Variants in ABCC6 observed in about 807,000 individuals in gnomAD.
The protein encoded by ABCC6 is ATP-binding cassette sub-family C member 6.
In ABCC6, 126 loss-of-function variants were observed where a neutral mutation model predicts 169.5. That is an observed-to-expected ratio of 0.74 (90% confidence interval 0.64 to 0.86). The LOEUF is 0.86. Ranked by LOEUF, ABCC6 falls within the 40% of genes least tolerant of loss-of-function variation. The pLI is 0.00. For missense variants in ABCC6, 1,733 were observed against 1,927.2 expected (o/e 0.90, Z 1.89); for synonymous variants, 752 against 814.7 (o/e 0.92, Z 1.31).
intron 7 of ABCC6, 37 bp downstream of exon 7, chr16:16,208,691 G>A (rs749858508): frequency 1.9e-6 from 3 of 1,613,456 alleles, no homozygotes; most frequent in South Asian, 1.1e-5. Context: ...CTTTTCTGAA[G>A]TAGCATCAGG....
chr16:16,172,030 GGTGGGATGCATAAATGA>G (rs1274881353), intron 21 of ABCC6, among the ~76,000 whole-genome samples: 5 of 149,990 alleles, frequency 3.3e-5, no homozygotes, highest in South Asian at 2.1e-4. Context: ...TAAATGAGTA[GGTGGGATGCATAAATGA>G]GTGGGATGGA....
At chr16:16,217,180 G>C (rs2048907050) in intron 4 of ABCC6, among the ~76,000 whole-genome samples, 1 of 152,122 alleles carries the variant, frequency 6.6e-6, no homozygotes, top group South Asian at 2.1e-4. Context: ...TTCTAGTTTT[G>C]GGTTTTTGTT....
chr16:16,157,472 T>A (rs1270941992), intron 27 of ABCC6, among the ~76,000 whole-genome samples, 191 bp downstream of exon 27: 1 of 152,040 alleles, frequency 6.6e-6, no homozygotes, highest in African/African-American at 2.4e-5. Context: ...CCAAGGTGGA[T>A]GAGGAAGTCA....
intron 30 of ABCC6, 47 bp downstream of exon 30, chr16:16,150,531 C>T (rs764240446): frequency 6.3e-7 from 1 of 1,590,988 alleles, no homozygotes; most frequent in South Asian, 1.1e-5. Flanking sequence ...CTCCTTCCCC[C>T]ACCACTGCAG....
At chr16:16,187,056 T>C in intron 14 of ABCC6, 68 bp downstream of exon 14, 3 of 1,401,620 alleles carry the variant, frequency 2.1e-6, no homozygotes, top group Non-Finnish European at 3.0e-6. Context: ...TGGCTTGCCA[T>C]TATGGGCTGG....
chr16:16,153,694 G>A (rs981225675), intron 29 of ABCC6, among the ~76,000 whole-genome samples: 1 of 152,008 alleles, frequency 6.6e-6, no homozygotes, highest in African/African-American at 2.4e-5. Flanking sequence ...GGAGGCCTAC[G>A]CAAGTTCGAC....
intron 10 of ABCC6, among the ~76,000 whole-genome samples, chr16:16,193,297 T>G (rs1209405063): frequency 6.6e-6 from 1 of 152,156 alleles, no homozygotes; most frequent in Non-Finnish European, 1.5e-5. Context: ...AGGAAAGGCA[T>G]GAATAATCCA....
intron 7 of ABCC6, among the ~76,000 whole-genome samples, chr16:16,206,317 T>TG (rs963651969): frequency 6.6e-6 from 1 of 151,888 alleles, no homozygotes; most frequent in Non-Finnish European, 1.5e-5. Context: ...AGGTGTGAGT[T>TG]GGGGGATACA....
chr16:16,184,962 T>C lies in ABCC6; in HGVS notation c.1940A>G (p.His647Arg). Reference protein sequence around the residue: ...AWSQESPPCLHRINLTVPQGC... With the variant: ...AWSQESPPCLRRINLTVPQGC... The stretch of plus-strand genomic sequence containing the variant: ...TACTACGGGTGTCGTTCTGTACCTG[T>C]GGAGGCAGGGAGGGCTTTCCTGGGA... The change falls in exon 15 of 31, where the codon CAC becomes CGC. Residue 647 changes from histidine to arginine, a missense_variant. By Grantham distance (29) the His-to-Arg change is conservative. This residue lies in a region of ABCC6 where 1,601 missense variants were observed against 1,635.5 expected (regional missense o/e 0.98). Coordinates refer to ENST00000205557, the MANE Select transcript of ABCC6 (RefSeq NM_001171.6). The C allele has an allele frequency of 1.9e-6, 3 of 1,612,880 alleles. No individual in the cohort carries two copies. Among genetic ancestry groups the C allele is most frequent in the African/African-American group, 1.3e-5 (1 of 75,028 alleles).
intron 25 of ABCC6, 41 bp downstream of exon 25, chr16:16,161,397 C>G: frequency 6.2e-7 from 1 of 1,613,244 alleles, no homozygotes; most frequent in Non-Finnish European, 8.5e-7. Flanking sequence ...GTCTCTGCCT[C>G]TGTCTGTCCC....
rs1464300283 is a variant in ABCC6 at position 16,208,825 on chromosome 16, G to A, written c.697C>T (p.Pro233Ser). 2 of 1,613,336 alleles carry A rather than the reference G, an allele frequency of 1.2e-6. No individual in the cohort carries two copies. Among genetic ancestry groups the A allele is most frequent in the African/African-American group, 1.3e-5 (1 of 74,814 alleles). Residue 233 changes from proline to serine, a missense_variant, in exon 7 of 31, where the codon CCA (proline) becomes TCA (serine). Physicochemically the swap from Pro to Ser is moderately conservative, Grantham distance 74 (BLOSUM62 -1). Around this residue, in one of 5 missense-constraint regions of ABCC6, gnomAD observed 49 missense variants for 85.8 expected, o/e 0.57. Transcript: ENST00000205557. ...VWRGYRRPLR[P>S]KDLWSLGREN... ...CTCCCAAGCGACCAGAGGTCTTTTGGTCTCAGTGGCCTCCTGTATCCCCTC... is the reference window on the plus strand; with the variant it reads ...CTCCCAAGCGACCAGAGGTCTTTTGATCTCAGTGGCCTCCTGTATCCCCTC...
chr16:16,165,532 T>C, intron 23 of ABCC6, 91 bp downstream of exon 23: 4 of 1,437,590 alleles, frequency 2.8e-6, no homozygotes, highest in Non-Finnish European at 3.9e-6. Flanking sequence ...TCCAGCTGGG[T>C]GAAACCTCAT....
rs2856585 is a variant in ABCC6, at chr16:16,169,806, G to T, written c.2835C>A (p.Pro945=). ...AGAGGAAGAGTGCGTAGAGGCAGAG[G>T]GGGGTGCCCACGGCACGCAGGTAGG... ...HLAYLRAVGT[P]LCLYALFLFL... is the part of the protein sequence containing the mutation. The change falls in exon 22 of 31, where the codon CCC becomes CCA. Residue 945 remains proline, a synonymous_variant. Transcript: ENST00000205557. 1.3e-6 allele frequency: 2 copies of T among 1,571,416 alleles called. No individual in the cohort carries two copies. The highest frequency in any genetic ancestry group is 2.4e-5 in the East Asian group (1 of 42,286).
At chr16:16,155,109 C>A (rs1002991387) in intron 27 of ABCC6, 78 bp from the exon 28 acceptor site, 90 of 1,488,776 alleles carry the variant, frequency 6.0e-5, no homozygotes, top group Admixed American at 1.0e-4. Flanking sequence ...TTCTGCTGTA[C>A]CCGAGATCTG....
intron 19 of ABCC6, among the ~76,000 whole-genome samples, chr16:16,177,093 T>C (rs2047300942): frequency 6.6e-6 from 1 of 152,224 alleles, no homozygotes; most frequent in Admixed American, 6.5e-5. Context: ...ACTCTGGAGC[T>C]GGACATACTC....
chr16:16,151,278 T>G (rs2046380811), intron 29 of ABCC6, among the ~76,000 whole-genome samples: 2 of 152,104 alleles, frequency 1.3e-5, no homozygotes, highest in African/African-American at 2.4e-5. Context: ...GTCCGACTTG[T>G]TTGAAACTCT....
intron 7 of ABCC6, among the ~76,000 whole-genome samples, 170 bp from the exon 8 acceptor site, chr16:16,203,783 G>A (rs4780608): frequency 2.2e-4 from 34 of 152,290 alleles, no homozygotes; most frequent in African/African-American, 5.1e-4. Context: ...CACTTAAGAG[G>A]CAATCATGGG....
intron 22 of ABCC6, among the ~76,000 whole-genome samples, chr16:16,169,293 G>C (rs6498607): frequency 0.98 from 148,828 of 152,200 alleles, 72,852 homozygotes; most frequent in Middle Eastern, 1. Context: ...CCATTTTTGA[G>C]GAGGAGAAGA....
chr16:16,170,446 C>T (rs2047024619), intron 21 of ABCC6, among the ~76,000 whole-genome samples: 1 of 152,092 alleles, frequency 6.6e-6, no homozygotes, highest in Non-Finnish European at 1.5e-5. Flanking sequence ...ATGTGTCTCT[C>T]CTTATAACAA....
Sources: allele counts gnomAD v4.1 joint callset (sites outside exome capture counted in the v4.1 genomes callset), GRCh38; gene constraint gnomAD v4.1.1; regional missense constraint gnomAD v4.1.1; transcripts MANE v1.5; gene names NCBI Gene and HGNC (gene_info 2026-07-23, HGNC 2026-07-21).